Variants in NELL1 observed in about 807,000 individuals in gnomAD.
The protein encoded by NELL1 is neural EGFL like 1.
A neutral mutation model predicts 107.4 loss-of-function variants in NELL1; 76 were observed. The ratio of observed to expected loss-of-function variants is 0.71; its 90% CI spans 0.59 to 0.86. The LOEUF is 0.86. Ranked by LOEUF, NELL1 falls within the 40% of genes least tolerant of loss-of-function variation. The pLI is 0.00. For synonymous variants in NELL1, 353 were observed against 341.2 expected, an observed-to-expected ratio of 1.03 and a Z score of -0.38; for missense variants, 1,024 against 1,005.5, an observed-to-expected ratio of 1.02 and a Z score of -0.25.
At chr11:21,455,246 AG>A (rs1853695935) in intron 15 of NELL1, among the ~76,000 whole-genome samples, 2 of 148,798 alleles carry the variant, frequency 1.3e-5, no homozygotes, top group Non-Finnish European at 3.0e-5. Context: ...AGAATATCAT[AG>A]TCATTTGATC....
At chr11:21,316,134 C>T (rs1358097356) in intron 14 of NELL1, among the ~76,000 whole-genome samples, 4 of 151,898 alleles carry the variant, frequency 2.6e-5, no homozygotes, top group African/African-American at 9.7e-5. Flanking sequence ...GCTTTCTCTC[C>T]CCTTTGTGTC....
At chr11:21,137,249 C>T (rs921743526) in intron 13 of NELL1, among the ~76,000 whole-genome samples, 4 of 152,178 alleles carry the variant, frequency 2.6e-5, no homozygotes, top group Non-Finnish European at 5.9e-5. Flanking sequence ...AAAGGGTATA[C>T]GACCAGTGTC....
At chr11:21,026,971 T>C (rs1852828816) in intron 12 of NELL1, among the ~76,000 whole-genome samples, 2 of 152,072 alleles carry the variant, frequency 1.3e-5, no homozygotes, top group Non-Finnish European at 2.9e-5. Flanking sequence ...TTCTTGGGCT[T>C]TTCCTTCCTG....
At position 20,719,678 on chromosome 11, in the gene NELL1, C is replaced by A. The variant is rs112241997; in HGVS notation, c.184+41618C>A. 9.8e-3 allele frequency among the ~76,000 whole-genome samples: 1,494 copies of A among 152,290 alleles called. 21 individuals carry two copies. The highest frequency in any genetic ancestry group is 0.034 in the African/African-American group (1,431 of 41,554). Reference sequence around the variant, plus strand: ...TCTTGAAAAACTCTGTCAGTCCACTCTTTACCCATAGAGGTTGGAAGCATG... The same window carrying A: ...TCTTGAAAAACTCTGTCAGTCCACTATTTACCCATAGAGGTTGGAAGCATG... On this transcript the variant is annotated intron_variant, in intron 2 of 19. Coordinates refer to ENST00000357134, the MANE Select transcript of NELL1 (RefSeq NM_006157.5).
chr11:20,812,730 C>T (rs575218091), intron 3 of NELL1, among the ~76,000 whole-genome samples: 2 of 152,036 alleles, frequency 1.3e-5, no homozygotes, highest in South Asian at 2.1e-4. Flanking sequence ...GCAGAGGGGC[C>T]GGGCGCGGTG....
chr11:21,078,207 T>C (rs771759084), intron 12 of NELL1, among the ~76,000 whole-genome samples: 2 of 152,114 alleles, frequency 1.3e-5, no homozygotes, highest in Non-Finnish European at 2.9e-5. Flanking sequence ...AGATAAATGC[T>C]ACTACATTTT....
At chr11:21,288,129 AAAGG>A (rs972510658) in intron 14 of NELL1, among the ~76,000 whole-genome samples, 139 of 151,730 alleles carry the variant, frequency 9.2e-4, no homozygotes, top group African/African-American at 3.0e-3. Flanking sequence ...GGAAGGAATG[AAAGG>A]AAGGAAGGAA....
chr11:21,266,204 C>G (rs1236070950), intron 14 of NELL1, among the ~76,000 whole-genome samples: 3 of 150,548 alleles, frequency 2.0e-5, no homozygotes, highest in African/African-American at 7.3e-5. Flanking sequence ...TTTTTTTTAA[C>G]TCGGCTTAGA....
At chr11:20,769,442 G>A (rs1469091847) in intron 2 of NELL1, 1 of 152,234 alleles carries the variant, frequency 6.6e-6, no homozygotes. Flanking sequence ...TTGGCACAAT[G>A]TAGAGAATAA....
At chr11:21,221,139 G>T (rs1157122357) in intron 13 of NELL1, among the ~76,000 whole-genome samples, 3 of 152,020 alleles carry the variant, frequency 2.0e-5, no homozygotes, top group African/African-American at 7.2e-5. Flanking sequence ...TATGGTTTTT[G>T]TCCATTCTGT....
intron 16 of NELL1, among the ~76,000 whole-genome samples, chr11:21,540,250 C>T (rs777861747): frequency 6.6e-6 from 1 of 151,904 alleles, no homozygotes; most frequent in East Asian, 1.9e-4. Context: ...TTATAATCAC[C>T]CTACTCTGCT....
intron 12 of NELL1, among the ~76,000 whole-genome samples, chr11:21,108,754 T>G (rs1461313528): frequency 6.6e-6 from 1 of 152,008 alleles, no homozygotes; most frequent in Non-Finnish European, 1.5e-5. Flanking sequence ...GAGCCTAAAG[T>G]GTGAAAGTAT....
intron 12 of NELL1, among the ~76,000 whole-genome samples, chr11:21,004,327 C>T (rs989552611): frequency 3.3e-5 from 5 of 151,870 alleles, no homozygotes; most frequent in Non-Finnish European, 5.9e-5. Flanking sequence ...TCTAGTTTAG[C>T]TAATATTATA....
chr11:21,022,916 G>A (rs1852733487), intron 12 of NELL1, among the ~76,000 whole-genome samples: 3 of 152,014 alleles, frequency 2.0e-5, no homozygotes, highest in Admixed American at 2.0e-4. Context: ...AGATATTAAA[G>A]GGAAACAGGC....
chr11:21,386,891 G>A (rs1270351658), intron 15 of NELL1, among the ~76,000 whole-genome samples: 1 of 151,792 alleles, frequency 6.6e-6, no homozygotes, highest in Non-Finnish European at 1.5e-5. Flanking sequence ...CCATTTAAAC[G>A]ACATAGCTCT....
At chr11:21,223,160 T>C (rs1857803457) in intron 13 of NELL1, among the ~76,000 whole-genome samples, 2 of 152,068 alleles carry the variant, frequency 1.3e-5, no homozygotes, top group South Asian at 4.1e-4. Flanking sequence ...ATCATTATTG[T>C]ATTGGAATCT....
chr11:21,081,674 T>A (rs1854272737), intron 12 of NELL1, among the ~76,000 whole-genome samples: 1 of 152,158 alleles, frequency 6.6e-6, no homozygotes, highest in East Asian at 1.9e-4. Flanking sequence ...TGTCTCAAAT[T>A]CATATAATTT....
intron 2 of NELL1, among the ~76,000 whole-genome samples, chr11:20,727,031 A>C (rs1195313807): frequency 1.3e-5 from 2 of 152,080 alleles, no homozygotes; most frequent in Non-Finnish European, 2.9e-5. Flanking sequence ...AGTTTTTGCT[A>C]TTGTGAATAG....
intron 3 of NELL1, among the ~76,000 whole-genome samples, chr11:20,831,836 G>A (rs2134037729): frequency 1.3e-5 from 2 of 152,324 alleles, no homozygotes; most frequent in African/African-American, 4.8e-5. Context: ...ACATGTGATA[G>A]GAAGGTAAAT....
Sources: allele counts gnomAD v4.1 joint callset (sites outside exome capture counted in the v4.1 genomes callset), GRCh38; gene constraint gnomAD v4.1.1; transcripts MANE v1.5; gene names NCBI Gene and HGNC (gene_info 2026-07-23, HGNC 2026-07-21).